PHF3: variants seen among roughly 807,000 people sequenced by gnomAD.
PHF3 encodes the protein PHD finger protein 3.
A neutral mutation model predicts 178.4 loss-of-function variants in PHF3; 41 were observed. That is an observed-to-expected ratio of 0.23 (90% CI 0.18 to 0.30). PHF3 has a LOEUF of 0.30. PHF3 is among the 10% of genes least tolerant of loss of function. The pLI, the probability that PHF3 is intolerant of heterozygous loss-of-function variation, is 1.00. For synonymous variants in PHF3, 842 were observed against 800.5 expected, an observed-to-expected ratio of 1.05 and a Z score of -0.88; for missense variants, 2,346 against 2,398.1, an observed-to-expected ratio of 0.98 and a Z score of 0.45.
chr6:63,706,903 T>G, intron 13 of PHF3, 27 bp downstream of exon 13: 2 of 1,602,172 alleles, frequency 1.2e-6, no homozygotes, highest in Non-Finnish European at 1.7e-6. Flanking sequence ...TGCTTTTCTG[T>G]GCATGAATTG....
At chr6:63,671,741 GTTGTT>G (rs764669643) in intron 2 of PHF3, among the ~76,000 whole-genome samples, 16 of 152,038 alleles carry the variant, frequency 1.1e-4, no homozygotes, top group Non-Finnish European at 1.9e-4. Flanking sequence ...CATATTTACA[GTTGTT>G]TTGTTTTGTT....
intron 2 of PHF3, among the ~76,000 whole-genome samples, chr6:63,658,330 C>G (rs1225245496): frequency 6.6e-6 from 1 of 152,080 alleles, no homozygotes; most frequent in Non-Finnish European, 1.5e-5. Flanking sequence ...GTATTTAAAT[C>G]TTTCATTTGC....
chr6:63,684,248 C>A lies in PHF3; in HGVS notation c.526C>A (p.Pro176Thr). The A allele has an allele frequency of 2.5e-6, 4 of 1,613,802 alleles. No individual in the cohort carries two copies. The highest frequency in any genetic ancestry group is 3.4e-6 in the Non-Finnish European group (4 of 1,179,840). Residue 176 changes from proline to threonine, a missense_variant, in exon 4 of 16, where the codon CCA becomes ACA. This residue lies in a region of PHF3 where 843 missense variants were observed against 795.2 expected (regional missense o/e 1.06). Transcript: ENST00000262043. ...TACTGCTAAAGCAGGAGTGAAACAA[C>A]CAGAAAGGAGTCAGGTTAAAGAAGA... ...VSTAKAGVKQ[P>T]ERSQVKEEVC...
intron 2 of PHF3, among the ~76,000 whole-genome samples, chr6:63,677,880 T>G (rs1358938975): frequency 6.6e-6 from 1 of 152,174 alleles, no homozygotes; most frequent in Non-Finnish European, 1.5e-5. Flanking sequence ...AAAGTAGTCT[T>G]AAAATTTATG....
chr6:63,642,808 G>A (rs556807006), intron 1 of PHF3, among the ~76,000 whole-genome samples: 57 of 152,172 alleles, frequency 3.7e-4, no homozygotes, highest in African/African-American at 1.3e-3. Flanking sequence ...TAGACAATTT[G>A]TTTAATTAAC....
intron 2 of PHF3, among the ~76,000 whole-genome samples, chr6:63,656,410 A>AC (rs1233805645): frequency 8.5e-5 from 13 of 152,340 alleles, no homozygotes. Flanking sequence ...CCCTAAAAAA[A>AC]CCAAGACACC....
intron 2 of PHF3, among the ~76,000 whole-genome samples, chr6:63,673,202 T>C (rs1765997878): frequency 6.6e-6 from 1 of 152,162 alleles, no homozygotes; most frequent in Admixed American, 6.5e-5. Context: ...ACAGCACCGC[T>C]AACAAGCTCA....
chr6:63,710,827 A>C (rs1278052427), intron 14 of PHF3, among the ~76,000 whole-genome samples: 1 of 152,160 alleles, frequency 6.6e-6, no homozygotes, highest in Non-Finnish European at 1.5e-5. Flanking sequence ...ATCAGGATAT[A>C]GTGTAGATAT....
At position 63,713,862 on chromosome 6, in the gene PHF3, T is replaced by C; in HGVS notation, c.*154T>C. The C allele has an allele frequency of 8.4e-6, 5 of 597,246 alleles. No individual in the cohort carries two copies. The highest frequency in any genetic ancestry group is 1.4e-5 in the Non-Finnish European group (5 of 348,078). 37.0% of individuals were successfully genotyped at this position (597,246 alleles called of 1,614,324 possible). The stretch of plus-strand genomic sequence containing the variant: ...GTAAATTCTGTGTGTTGGTACAGAG[T>C]GCTCTGTACCAGTGCTCATCATCCC... On this transcript the variant is annotated 3_prime_UTR_variant, in exon 16 of 16. Transcript: ENST00000262043.
chr6:63,661,844 C>CT (rs1421324689), intron 2 of PHF3, among the ~76,000 whole-genome samples: 9 of 152,252 alleles, frequency 5.9e-5, no homozygotes, highest in African/African-American at 2.2e-4. Flanking sequence ...AATTTAGGCT[C>CT]TGATAGGAGT....
chr6:63,689,797 C>T (rs1474595936), intron 4 of PHF3, among the ~76,000 whole-genome samples: 2 of 151,974 alleles, frequency 1.3e-5, no homozygotes, highest in East Asian at 3.8e-4. Context: ...ATATTTTGAC[C>T]TTTAGGTTTG....
At chr6:63,707,725 C>CTT (rs3839636) in intron 13 of PHF3, among the ~76,000 whole-genome samples, 7 of 133,270 alleles carry the variant, frequency 5.3e-5, no homozygotes, top group African/African-American at 1.1e-4. Flanking sequence ...ATTTGCCTGT[C>CTT]TTTTTTTTTT....
At chr6:63,681,847 A>G (rs1274156764) in intron 3 of PHF3, among the ~76,000 whole-genome samples, 1 of 152,068 alleles carries the variant, frequency 6.6e-6, no homozygotes, top group African/African-American at 2.4e-5. Context: ...AGGGAACTAA[A>G]ATTATGAAAC....
At chr6:63,676,598 G>T (rs1165310352) in intron 2 of PHF3, among the ~76,000 whole-genome samples, 2 of 152,198 alleles carry the variant, frequency 1.3e-5, no homozygotes, top group Non-Finnish European at 2.9e-5. Flanking sequence ...CTGGAGGAGA[G>T]TGAATCAGCA....
At position 63,713,702 on chromosome 6, in the gene PHF3, A is replaced by G. The variant is rs998166315; in HGVS notation, c.6114A>G (p.Lys2038=). 1 of 1,553,734 alleles carries G rather than the reference A, an allele frequency of 6.4e-7. No homozygotes were observed. The highest frequency in any genetic ancestry group is 1.4e-5 in the African/African-American group (1 of 71,856). The change falls in exon 16 of 16, where the codon AAA becomes AAG. Residue 2038 remains lysine, a synonymous_variant. Coordinates refer to ENST00000262043, the MANE Select transcript of PHF3 (RefSeq NM_001370348.2). ...DRDHTDRTKS[K]R ...ACCACACTGACAGAACTAAAAGCAA[A>G]AGGTAAAATTTGCAGGCTGCTTCAG... is the stretch of plus-strand genomic sequence containing the variant.
intron 12 of PHF3, 101 bp downstream of exon 12, chr6:63,706,325 C>G (rs555231897): frequency 3.6e-6 from 3 of 834,584 alleles, no homozygotes; most frequent in South Asian, 2.1e-5. Context: ...TTGGGAACCT[C>G]TCATTTGAGA....
At chr6:63,665,351 G>A (rs566831484) in intron 2 of PHF3, among the ~76,000 whole-genome samples, 19 of 152,066 alleles carry the variant, frequency 1.2e-4, no homozygotes, top group Non-Finnish European at 2.4e-4. Flanking sequence ...AACCAAAAAT[G>A]TGTAATTTAT....
At chr6:63,678,395 A>G (rs1057447523) in intron 2 of PHF3, among the ~76,000 whole-genome samples, 1 of 152,140 alleles carries the variant, frequency 6.6e-6, no homozygotes, top group African/African-American at 2.4e-5. Context: ...ATTTTTCTAA[A>G]GCATATTCTC....
intron 2 of PHF3, among the ~76,000 whole-genome samples, chr6:63,661,147 G>C (rs1765449657): frequency 6.6e-6 from 1 of 152,018 alleles, no homozygotes; most frequent in Non-Finnish European, 1.5e-5. Flanking sequence ...TTTAATCCCA[G>C]GAATTATTCA....
Sources: gnomAD v4.1 joint callset for allele counts (sites outside exome capture counted in the v4.1 genomes callset) on GRCh38, gnomAD v4.1.1 for gene constraint, gnomAD v4.1.1 regional missense constraint, MANE v1.5 for transcripts, NCBI Gene and HGNC (gene_info 2026-07-23, HGNC 2026-07-21) for gene names.